Variants in MAST4 observed in about 807,000 individuals in gnomAD.
MAST4 encodes the protein microtubule associated serine/threonine kinase family member 4.
Under a neutral mutation model 162.7 loss-of-function variants are expected in MAST4, and 89 were observed. The observed-to-expected ratio is 0.55, with a 90% CI of 0.46 to 0.65. MAST4 has a LOEUF of 0.65. Among genes scored for constraint, MAST4 ranks in the 30% least tolerant of loss-of-function variants. MAST4 has a pLI of 0.00. For synonymous variants in MAST4, 1,479 were observed against 1,361.1 expected (o/e 1.09, Z -1.91); for missense variants, 3,153 against 3,374.0 (o/e 0.93, Z 1.62).
chr5:66,916,298 A>C (rs899629205), intron 4 of MAST4, among the ~76,000 whole-genome samples: 1 of 152,190 alleles, frequency 6.6e-6, no homozygotes, highest in Non-Finnish European at 1.5e-5. Flanking sequence ...AGTTCCACCC[A>C]AACTACATGG....
Position 67,163,686 on chromosome 5 carries a change from C to G in MAST4, c.4507C>G (p.Arg1503Gly), listed in dbSNP as rs1280836807. Residue 1503 changes from arginine (R) to glycine (G), a missense_variant, in exon 29 of 29, where the codon CGG becomes GGG. Around this residue, in one of 7 missense-constraint regions of MAST4, gnomAD observed 1,644 missense variants for 1,495.0 expected, o/e 1.10. Transcript: ENST00000403625. This position sits in a 1 kb window ranked among gnomAD's most constrained non-coding sequence, Gnocchi z 7.0. ...CGACGTGCCGCCGCTCAGCCGCGCC[C>G]GGCCAGTGGAGCAAGGCTGCCTGAA... ...VCDVPPLSRA[R>G]PVEQGCLKRP... 5 of 1,609,052 alleles carry G rather than the reference C, an allele frequency of 3.1e-6. No individual in the cohort carries two copies. The highest frequency in any genetic ancestry group is 2.2e-5 in the East Asian group (1 of 44,656).
At chr5:67,102,457 A>G in intron 8 of MAST4, 79 bp from the exon 9 acceptor site, 2 of 1,299,614 alleles carry the variant, frequency 1.5e-6, no homozygotes, top group South Asian at 1.2e-5. Context: ...TTTTGATGCA[A>G]CTGACTGTTT....
chr5:67,085,105 TTC>T (rs1763092216), intron 5 of MAST4, among the ~76,000 whole-genome samples: 1 of 152,174 alleles, frequency 6.6e-6, no homozygotes. Flanking sequence ...TTGCCCTTAA[TTC>T]TCTCTCACAC....
intron 3 of MAST4, among the ~76,000 whole-genome samples, chr5:66,891,452 A>T (rs749920075): frequency 7.9e-5 from 12 of 152,092 alleles, no homozygotes; most frequent in Non-Finnish European, 1.8e-4. Context: ...GTGACACCCT[A>T]ATGCCAGAGT....
At chr5:66,854,475 C>T (rs988316396) in intron 3 of MAST4, among the ~76,000 whole-genome samples, 1 of 152,138 alleles carries the variant, frequency 6.6e-6, no homozygotes, top group Non-Finnish European at 1.5e-5. Flanking sequence ...AAGGTATCGG[C>T]TGGGGCTGCA....
chr5:67,077,705 A>G (rs540923927), intron 5 of MAST4, among the ~76,000 whole-genome samples: 27 of 152,354 alleles, frequency 1.8e-4, no homozygotes, highest in Non-Finnish European at 3.5e-4. Context: ...TCCTGAATCA[A>G]TTGATTAGCC....
At chr5:67,082,093 GAAATACT>G (rs1376789645) in intron 5 of MAST4, among the ~76,000 whole-genome samples, 1 of 150,906 alleles carries the variant, frequency 6.6e-6, no homozygotes, top group Non-Finnish European at 1.5e-5. Context: ...TAGTTATAAG[GAAATACT>G]ATGCAACCCA....
intron 4 of MAST4, among the ~76,000 whole-genome samples, chr5:67,026,495 A>G (rs547721586): frequency 7.2e-5 from 11 of 152,328 alleles, no homozygotes; most frequent in African/African-American, 2.4e-4. Context: ...GGTGAAATGT[A>G]ATTCATGCAA....
At chr5:67,037,692 G>C (rs548349492) in intron 4 of MAST4, among the ~76,000 whole-genome samples, 1 of 152,242 alleles carries the variant, frequency 6.6e-6, no homozygotes, top group East Asian at 1.9e-4. Flanking sequence ...AGAAGAGAGA[G>C]TAGAAAACTA....
rs1004981037 is a variant in MAST4 at position 67,163,161 on chromosome 5, C to T, written c.3982C>T (p.Gln1328Ter). 6.2e-7 allele frequency: 1 copy of T among 1,605,318 alleles called. No homozygotes were observed. Among genetic ancestry groups the T allele is most frequent in the Non-Finnish European group, 8.5e-7 (1 of 1,173,098 alleles). The change falls in exon 29 of 29, where the codon CAG becomes TAG. Residue 1328 changes from glutamine (Q) to a stop codon, truncating the protein, a stop_gained. Coordinates refer to ENST00000403625, the MANE Select transcript of MAST4 (RefSeq NM_001164664.2). LOFTEE classifies it low-confidence loss of function (END_TRUNC). The surrounding 1 kb of genome is among the most constrained non-coding windows in gnomAD (Gnocchi z 7.0). Reference protein sequence around the residue: ...PDFPSGTNSSQSSSPSSSAPN... With the variant: ...PDFPSGTNSS ...TCCATCCACAGGTACTAATTCCTCCCAGAGCAGCTCCCCTAGTTCTAGTGC... is the reference window on the plus strand; with the variant it reads ...TCCATCCACAGGTACTAATTCCTCCTAGAGCAGCTCCCCTAGTTCTAGTGC...
intron 1 of MAST4, among the ~76,000 whole-genome samples, chr5:66,690,278 C>T (rs1748955514): frequency 6.6e-6 from 1 of 152,106 alleles, no homozygotes; most frequent in Admixed American, 6.6e-5. Context: ...TTTGGAAACG[C>T]TTGTCAGGGT....
At chr5:66,761,450 A>T (rs1404480199) in intron 2 of MAST4, among the ~76,000 whole-genome samples, 1 of 152,220 alleles carries the variant, frequency 6.6e-6, no homozygotes, top group Non-Finnish European at 1.5e-5. Context: ...CTCTAGATAT[A>T]AATATTTTCA....
intron 3 of MAST4, among the ~76,000 whole-genome samples, chr5:66,834,448 C>G (rs191733442): frequency 6.6e-6 from 1 of 152,130 alleles, no homozygotes; most frequent in African/African-American, 2.4e-5. Flanking sequence ...CAGAAGCCAG[C>G]TTAGACACCA....
At chr5:67,031,907 C>T (rs375654096) in intron 4 of MAST4, among the ~76,000 whole-genome samples, 3 of 152,114 alleles carry the variant, frequency 2.0e-5, no homozygotes, top group African/African-American at 7.2e-5. Context: ...AGGTGGAGAA[C>T]TAGATCACTG....
chr5:66,637,732 G>A (rs1002082663), intron 1 of MAST4, among the ~76,000 whole-genome samples: 6 of 151,890 alleles, frequency 4.0e-5, no homozygotes, highest in Admixed American at 2.0e-4. Context: ...TTGAGACAGG[G>A]TCTTACTCTG....
At chr5:66,601,329 T>C (rs1048631849) in intron 1 of MAST4, among the ~76,000 whole-genome samples, 2 of 152,174 alleles carry the variant, frequency 1.3e-5, no homozygotes, top group African/African-American at 4.8e-5. Context: ...TCAACCAAAA[T>C]GTATTGAGTC....
At chr5:66,789,115 C>A (rs576397419) in intron 3 of MAST4, among the ~76,000 whole-genome samples, 1 of 152,166 alleles carries the variant, frequency 6.6e-6, no homozygotes, top group South Asian at 2.1e-4. Flanking sequence ...TCTTAGAATA[C>A]CAGTTTATCC....
chr5:66,734,681 A>C (rs1257847813), intron 1 of MAST4, among the ~76,000 whole-genome samples: 2 of 152,230 alleles, frequency 1.3e-5, no homozygotes, highest in African/African-American at 4.8e-5. Flanking sequence ...GCCATTAGCC[A>C]CATGTGGCTT....
intron 3 of MAST4, among the ~76,000 whole-genome samples, chr5:66,797,573 G>A (rs954936587): frequency 1.3e-5 from 2 of 152,152 alleles, no homozygotes; most frequent in Non-Finnish European, 2.9e-5. Context: ...TGTGCGAAAC[G>A]TGGTCTTGCT....
Sources: allele counts gnomAD v4.1 joint callset (sites outside exome capture counted in the v4.1 genomes callset), GRCh38; gene constraint gnomAD v4.1.1; regional missense constraint gnomAD v4.1.1; non-coding constraint Gnocchi (gnomAD v3.1); transcripts MANE v1.5; gene names NCBI Gene and HGNC (gene_info 2026-07-23, HGNC 2026-07-21).